The following PELI2 variants were observed in gnomAD, a reference collection of about 807,000 sequenced individuals.
PELI2 encodes the protein pellino E3 ubiquitin protein ligase family member 2.
PELI2 carries 23 observed loss-of-function variants against 42.3 expected under a neutral mutation model. The observed-to-expected ratio is 0.54, with a 90% confidence interval of 0.39 to 0.77. The LOEUF (loss-of-function observed/expected upper bound fraction) is 0.77. Ranked by LOEUF, PELI2 falls within the 30% of genes least tolerant of loss-of-function variation. The pLI, the probability that PELI2 is intolerant of heterozygous loss-of-function variation, is 0.00. For missense variants in PELI2, 463 were observed against 553.2 expected (o/e 0.84, Z 1.64); for synonymous variants, 245 against 212.2 (o/e 1.15, Z -1.34).
chr14:56,289,451 C>T (rs1454160316), intron 4 of PELI2, among the ~76,000 whole-genome samples: 2 of 152,162 alleles, frequency 1.3e-5, no homozygotes, highest in African/African-American at 4.8e-5. Flanking sequence ...CTGTTTCTTC[C>T]TTGTCTCTTC....
intron 2 of PELI2, among the ~76,000 whole-genome samples, chr14:56,210,110 G>C (rs891161018): frequency 2.6e-5 from 4 of 152,022 alleles, no homozygotes; most frequent in Admixed American, 1.3e-4. Flanking sequence ...GGTTATGTAG[G>C]GTAAATTTTG....
At chr14:56,185,276 A>T (rs565266426) in intron 2 of PELI2, among the ~76,000 whole-genome samples, 1 of 152,056 alleles carries the variant, frequency 6.6e-6, no homozygotes, top group Admixed American at 6.5e-5. Context: ...TTATGTTTTT[A>T]TGTAGTTCTT....
At chr14:56,290,768 T>C (rs1205530830) in intron 5 of PELI2, among the ~76,000 whole-genome samples, 1 of 152,214 alleles carries the variant, frequency 6.6e-6, no homozygotes, top group East Asian at 1.9e-4. Context: ...AAGAAACTTA[T>C]TTTTAGTGTA....
At chr14:56,150,634 C>G (rs368571684) in intron 1 of PELI2, among the ~76,000 whole-genome samples, 6 of 152,048 alleles carry the variant, frequency 3.9e-5, no homozygotes, top group Non-Finnish European at 4.4e-5. Context: ...CTTATAACCT[C>G]TATTTCCAAG....
At chr14:56,165,501 A>T (rs986112080) in intron 1 of PELI2, among the ~76,000 whole-genome samples, 2 of 152,070 alleles carry the variant, frequency 1.3e-5, no homozygotes, top group African/African-American at 4.8e-5. Flanking sequence ...GACAGACCAC[A>T]TAATGTGGTC....
chr14:56,186,065 T>A (rs1372165234), intron 2 of PELI2, among the ~76,000 whole-genome samples: 4 of 152,190 alleles, frequency 2.6e-5, no homozygotes, highest in South Asian at 2.1e-4. Context: ...GGTGGGCCCA[T>A]TGTAATCACA....
chr14:56,142,309 G>A (rs1490271411), intron 1 of PELI2, among the ~76,000 whole-genome samples: 1 of 152,170 alleles, frequency 6.6e-6, no homozygotes, highest in African/African-American at 2.4e-5. Flanking sequence ...TGAGAATATG[G>A]TGGGCTTGCG....
chr14:56,211,329 C>G (rs540353968), intron 2 of PELI2, among the ~76,000 whole-genome samples: 3 of 152,340 alleles, frequency 2.0e-5, no homozygotes, highest in African/African-American at 4.8e-5. Context: ...GGCTGGTGTA[C>G]AGACCTCTGA....
Position 56,299,183 on chromosome 14 carries a change from G to T in PELI2, c.*2017G>T, listed in dbSNP as rs531929533. On this transcript the variant is annotated 3_prime_UTR_variant, in exon 6 of 6. Coordinates refer to ENST00000267460, the MANE Select transcript of PELI2 (RefSeq NM_021255.3). ...TGTAAGCTAAATGGTCTTGCATCCA[G>T]AAAGGCCAGATTTTACCTACCAAGA... The T allele has an allele frequency of 2.0e-5, 3 of 152,200 alleles. No homozygotes were observed. In the East Asian group the frequency reaches 5.8e-4, roughly 30 times the overall value. 9.4% of individuals were successfully genotyped at this position (152,200 alleles called of 1,614,324 possible). A position where few individuals can be genotyped will look rare whatever the true frequency, so the allele number is the denominator to read the frequency against.
intron 2 of PELI2, among the ~76,000 whole-genome samples, chr14:56,277,456 T>A (rs568885890): frequency 6.6e-6 from 1 of 152,096 alleles, no homozygotes; most frequent in South Asian, 2.1e-4. Flanking sequence ...GAAAACAAGC[T>A]CAGGGCTCCC....
chr14:56,279,909 G>T, intron 3 of PELI2, 132 bp downstream of exon 3: 1 of 414,864 alleles, frequency 2.4e-6, no homozygotes, highest in Non-Finnish European at 4.2e-6. Context: ...AATTATTCCT[G>T]TTTGGTTGTT....
intron 2 of PELI2, among the ~76,000 whole-genome samples, chr14:56,235,932 T>C (rs761243445): frequency 2.0e-5 from 3 of 152,174 alleles, no homozygotes; most frequent in Non-Finnish European, 4.4e-5. Context: ...TCAATTTCAT[T>C]ATCTATGTAA....
intron 1 of PELI2, among the ~76,000 whole-genome samples, chr14:56,123,945 A>C (rs569785321): frequency 1.3e-5 from 2 of 152,304 alleles, no homozygotes; most frequent in East Asian, 3.9e-4. Context: ...TTGGCTTTTG[A>C]ATGGAGACAA....
In PELI2 at chr14:56,297,972, G is replaced by A. The variant is rs556567402; in HGVS notation, c.*806G>A. ...AGCTCTTAAAAACTCATTAACTGAG[G>A]GTAATTACAGTAGTAGACATGGTCT... On this transcript the variant is annotated 3_prime_UTR_variant, in exon 6 of 6. Transcript: ENST00000267460. 6.6e-6 allele frequency: 1 copy of A among 151,964 alleles called. No homozygotes were observed. The highest frequency in any genetic ancestry group is 1.9e-4 in the East Asian group (1 of 5,168). The allele number at this position is 151,964 out of a possible 1,614,324, so 9.4% of individuals were successfully genotyped here. A position where few individuals can be genotyped will look rare whatever the true frequency, so the allele number is the denominator to read the frequency against.
intron 1 of PELI2, among the ~76,000 whole-genome samples, chr14:56,124,993 G>T (rs1183909027): frequency 1.3e-5 from 2 of 152,154 alleles, no homozygotes; most frequent in Non-Finnish European, 2.9e-5. Flanking sequence ...ACTGTCTCAG[G>T]GTTTTGCTAG....
rs529953469 is a variant in PELI2, at chr14:56,130,696, A to G, written c.77+11959A>G. On this transcript the variant is annotated intron_variant, in intron 1 of 5. Coordinates refer to ENST00000267460, the MANE Select transcript of PELI2 (RefSeq NM_021255.3). ...AAAAATGAATCCTTATATCTTCCCT[A>G]TTTACCTGAATATATTATATATAAT... 7.2e-5 allele frequency among the ~76,000 whole-genome samples: 11 copies of G among 151,958 alleles called. No homozygotes were observed. In the East Asian group the frequency reaches 1.4e-3, roughly 19 times the overall value.
chr14:56,118,688 T>C lies in PELI2; in HGVS notation c.28T>C (p.Cys10Arg). ...GTTTTCCCCTGGCCAGGAGGAACAC[T>C]GCGCCCCCAATAAGGAGCCAGTGAA... MFSPGQEEH[C>R]APNKEPVKYG... The change falls in exon 1 of 6, where the codon TGC becomes CGC. Residue 10 changes from cysteine to arginine, a missense_variant. Transcript: ENST00000267460. The C allele has an allele frequency of 6.6e-7, 1 of 1,517,722 alleles. No individual in the cohort carries two copies. Among genetic ancestry groups the C allele is most frequent in the Non-Finnish European group, 8.8e-7 (1 of 1,132,544 alleles). The allele number at this position is 1,517,722 out of a possible 1,614,324, so 94.0% of individuals were successfully genotyped here. A position where few individuals can be genotyped will look rare whatever the true frequency, so the allele number is the denominator to read the frequency against.
intron 2 of PELI2, among the ~76,000 whole-genome samples, chr14:56,207,797 C>T (rs1047451456): frequency 3.9e-5 from 6 of 152,156 alleles, no homozygotes; most frequent in Admixed American, 2.6e-4. Flanking sequence ...TGCCTGCATC[C>T]ACAGGGTTCA....
chr14:56,297,036 C>T lies in PELI2; in HGVS notation c.1133C>T (p.Ala378Val). The change falls in exon 6 of 6, where the codon GCA becomes GTA. Residue 378 changes from alanine (A) to valine (V), a missense_variant. This residue lies in a region of PELI2 where 103 missense variants were observed against 129.6 expected (regional missense o/e 0.80). Transcript: ENST00000267460. ...GGACACGTGTGCTCGGAGAAGTCTG[C>T]AAAATACTGGTCTCAGATCCCGTTG... is the stretch of plus-strand genomic sequence containing the variant. ...PCGHVCSEKS[A>V]KYWSQIPLPH... 5 of 1,613,892 alleles carry T rather than the reference C, an allele frequency of 3.1e-6. No individual in the cohort carries two copies. The highest frequency in any genetic ancestry group is 4.2e-6 in the Non-Finnish European group (5 of 1,179,982).
Sources: gnomAD v4.1 joint callset for allele counts (sites outside exome capture counted in the v4.1 genomes callset) on GRCh38, gnomAD v4.1.1 for gene constraint, gnomAD v4.1.1 regional missense constraint, MANE v1.5 for transcripts, NCBI Gene and HGNC (gene_info 2026-07-23, HGNC 2026-07-21) for gene names.